EPB41: variants seen among roughly 807,000 people sequenced by gnomAD.
EPB41 encodes the protein erythrocyte membrane protein band 4.1.
A neutral mutation model predicts 108.0 loss-of-function variants in EPB41; 65 were observed. The observed-to-expected ratio is 0.60, with a 90% CI of 0.49 to 0.74. The LOEUF (loss-of-function observed/expected upper bound fraction) is 0.74. EPB41 is among the 30% of genes least tolerant of loss of function. The probability of loss-of-function intolerance (pLI) is 0.00; values close to 1 mark genes in which losing one functional copy is unlikely to be tolerated. For missense variants in EPB41, 875 were observed against 1,037.0 expected (o/e 0.84, Z 2.15); for synonymous variants, 336 against 358.9 (o/e 0.94, Z 0.72).
intron 16 of EPB41, among the ~76,000 whole-genome samples, chr1:29,090,128 G>T (rs10915225): frequency 0.42 from 63,499 of 151,762 alleles, 15,165 homozygotes; most frequent in South Asian, 0.56. Context: ...GCTGGGCATG[G>T]TGGCACGCAT....
chr1:29,042,851 G>C (rs1430035053), intron 11 of EPB41, among the ~76,000 whole-genome samples: 5 of 151,744 alleles, frequency 3.3e-5, no homozygotes. Context: ...TGCATGCTTT[G>C]TCTTAATCTT....
chr1:28,899,508 C>G (rs2091057693), intron 1 of EPB41, among the ~76,000 whole-genome samples: 1 of 152,190 alleles, frequency 6.6e-6, no homozygotes, highest in South Asian at 2.1e-4. Context: ...GATGATGCCA[C>G]TGCAGGCACT....
chr1:28,955,574 A>G (rs571700896), intron 1 of EPB41, among the ~76,000 whole-genome samples: 1 of 151,858 alleles, frequency 6.6e-6, no homozygotes, highest in Non-Finnish European at 1.5e-5. Context: ...TGATCTCTTG[A>G]CCTCATGATC....
chr1:29,076,316 T>A (rs1246647299), intron 16 of EPB41, among the ~76,000 whole-genome samples: 3 of 152,380 alleles, frequency 2.0e-5, no homozygotes, highest in Admixed American at 2.0e-4. Context: ...TCCCTATAAA[T>A]TGACATTCTC....
At chr1:29,000,773 G>A (rs1424590708) in intron 4 of EPB41, among the ~76,000 whole-genome samples, 1 of 152,090 alleles carries the variant, frequency 6.6e-6, no homozygotes, top group Non-Finnish European at 1.5e-5. Context: ...TATATTTTAT[G>A]CTTCTAAGTT....
chr1:28,898,220 T>A (rs1025683711), intron 1 of EPB41, among the ~76,000 whole-genome samples: 3 of 151,918 alleles, frequency 2.0e-5, no homozygotes, highest in Non-Finnish European at 4.4e-5. Context: ...TCCCCTCTCC[T>A]TCCTGCACCC....
chr1:28,930,150 CTTTTTTTT>C (rs772932485), intron 1 of EPB41, among the ~76,000 whole-genome samples: 1 of 122,644 alleles, frequency 8.2e-6, no homozygotes, highest in African/African-American at 3.1e-5. Flanking sequence ...ATGTTGCTTC[CTTTTTTTT>C]TTTTTTTTTT....
chr1:28,963,375 G>GTGTGTGTC (rs2095275990), intron 1 of EPB41, among the ~76,000 whole-genome samples: 1 of 151,484 alleles, frequency 6.6e-6, no homozygotes, highest in East Asian at 1.9e-4. Context: ...GTGTGTGTGT[G>GTGTGTGTC]TGTGTGTCTG....
chr1:29,103,017 C>T (rs1307395933), intron 17 of EPB41, among the ~76,000 whole-genome samples: 2 of 152,160 alleles, frequency 1.3e-5, no homozygotes, highest in Non-Finnish European at 2.9e-5. Context: ...AGGTGATCCA[C>T]CCACCTTGGC....
In EPB41 at chr1:29,117,366, G is replaced by A. The variant is rs1241655097; in HGVS notation, c.*554G>A. Reference sequence around the variant, plus strand: ...CACCAGCCCTGATCCACAGACCTCGGAAAGATGCCCCTGTTCCTTTGTTGC... The same window carrying A: ...CACCAGCCCTGATCCACAGACCTCGAAAAGATGCCCCTGTTCCTTTGTTGC... On this transcript the variant is annotated 3_prime_UTR_variant, in exon 21 of 21. Transcript: ENST00000343067. 2.0e-5 allele frequency: 3 copies of A among 152,704 alleles called. No homozygotes were observed. The highest frequency in any genetic ancestry group is 7.2e-5 in the African/African-American group (3 of 41,454). The allele number at this position is 152,704 out of a possible 1,614,324, so 9.5% of individuals were successfully genotyped here.
chr1:28,964,523 C>A (rs567744123), intron 1 of EPB41, among the ~76,000 whole-genome samples: 18 of 152,156 alleles, frequency 1.2e-4, no homozygotes, highest in African/African-American at 4.3e-4. Context: ...ATCACTTGAA[C>A]CCAGGAGGCG....
intron 1 of EPB41, among the ~76,000 whole-genome samples, chr1:28,959,212 CTTT>C (rs34502231): frequency 3.1e-5 from 3 of 97,932 alleles, no homozygotes; most frequent in Non-Finnish European, 3.9e-5. Flanking sequence ...AAAGTTTGAT[CTTT>C]TTTTTTTTTT....
At position 28,993,545 on chromosome 1, in the gene EPB41, G is replaced by A. The variant is rs759585466; in HGVS notation, c.681+3G>A. The A allele has an allele frequency of 3.1e-6, 5 of 1,613,562 alleles. No individual in the cohort carries two copies. In the Admixed American group the frequency reaches 8.3e-5, roughly 27 times the overall value. The stretch of plus-strand genomic sequence containing the variant: ...CAGTTTATGAATGTGTTGTGGAGGT[G>A]AGTATGTTTTCATTTCCAACAATCA... On this transcript the variant is annotated splice_donor_region_variant and intron_variant, in intron 3 of 20. Coordinates refer to ENST00000343067, the MANE Select transcript of EPB41 (RefSeq NM_001376013.1).
chr1:28,990,176 G>A (rs2095975319), intron 2 of EPB41, among the ~76,000 whole-genome samples: 1 of 148,652 alleles, frequency 6.7e-6, no homozygotes, highest in South Asian at 2.1e-4. Context: ...AATTTGCTGA[G>A]AGCCGAGATC....
intron 16 of EPB41, among the ~76,000 whole-genome samples, chr1:29,091,766 C>T (rs1435149156): frequency 1.3e-5 from 2 of 152,132 alleles, no homozygotes; most frequent in Non-Finnish European, 2.9e-5. Context: ...TCTTTCAGTT[C>T]CATCTTTCAT....
chr1:28,942,222 G>A (rs1445168350), intron 1 of EPB41, among the ~76,000 whole-genome samples: 2 of 152,164 alleles, frequency 1.3e-5, no homozygotes, highest in Admixed American at 6.5e-5. Flanking sequence ...GCAGCTGGGT[G>A]TCCTATATAA....
At chr1:28,940,855 A>G (rs1045087822) in intron 1 of EPB41, among the ~76,000 whole-genome samples, 2 of 152,302 alleles carry the variant, frequency 1.3e-5, no homozygotes, top group African/African-American at 2.4e-5. Flanking sequence ...GGAAATATGC[A>G]TTAGGATATC....
chr1:29,033,284 A>T, intron 9 of EPB41, 39 bp downstream of exon 9: 1 of 1,605,490 alleles, frequency 6.2e-7, no homozygotes, highest in Non-Finnish European at 8.5e-7. Flanking sequence ...AACCAGACAC[A>T]GTCTGTATCT....
intron 1 of EPB41, among the ~76,000 whole-genome samples, chr1:28,962,991 T>C: frequency 6.6e-6 from 1 of 152,210 alleles, no homozygotes; most frequent in South Asian, 2.1e-4. Flanking sequence ...ATTTTTTCTT[T>C]TAATGGATGA....
Sources: gnomAD v4.1 joint callset for allele counts (sites outside exome capture counted in the v4.1 genomes callset) on GRCh38, gnomAD v4.1.1 for gene constraint, MANE v1.5 for transcripts, NCBI Gene and HGNC (gene_info 2026-07-23, HGNC 2026-07-21) for gene names.